MICALL1: variants seen among roughly 807,000 people sequenced by gnomAD.
MICALL1 encodes the protein MICAL-like protein 1.
MICALL1 carries 61 observed loss-of-function variants against 83.7 expected under a neutral mutation model. The ratio of observed to expected loss-of-function variants is 0.73; its 90% confidence interval spans 0.59 to 0.90. The LOEUF (loss-of-function observed/expected upper bound fraction) is 0.90. Ranked by LOEUF, MICALL1 falls within the 40% of genes least tolerant of loss-of-function variation. The pLI, the probability that MICALL1 is intolerant of heterozygous loss-of-function variation, is 0.00. For synonymous variants in MICALL1, 481 were observed against 473.6 expected (o/e 1.02, Z -0.20); for missense variants, 1,066 against 1,152.0 (o/e 0.93, Z 1.08).
intron 13 of MICALL1, among the ~76,000 whole-genome samples, chr22:37,935,182 T>C (rs1930038425): frequency 6.6e-6 from 1 of 151,844 alleles, no homozygotes. Flanking sequence ...TCCACCCGCC[T>C]CCGCCTCCCA....
Position 37,906,695 on chromosome 22 carries a change from C to T in MICALL1, c.146+127C>T, listed in dbSNP as rs1028419864. 1.2e-5 allele frequency: 10 copies of T among 869,554 alleles called. No individual in the cohort carries two copies. In the African/African-American group the frequency reaches 1.8e-4, roughly 16 times the overall value. The allele number at this position is 869,554 out of a possible 1,614,324, so 53.9% of individuals were successfully genotyped here. ...CCCCCGGACACGGAGACGCCGACCC[C>T]CCCGACGGCCCCGGACGCCGGGCGG... On this transcript the variant is annotated intron_variant, in intron 1 of 15. Coordinates refer to ENST00000215957, the MANE Select transcript of MICALL1 (RefSeq NM_033386.4). This position sits in a 1 kb window ranked among gnomAD's most constrained non-coding sequence, Gnocchi z 4.4.
At chr22:37,922,647 T>C (rs1047431919) in intron 6 of MICALL1, among the ~76,000 whole-genome samples, 4 of 133,214 alleles carry the variant, frequency 3.0e-5, no homozygotes, top group Middle Eastern at 7.4e-3. Flanking sequence ...TTTGCTCTTG[T>C]CCCCCAGGCT....
Position 37,922,010 on chromosome 22 carries a change from A to C in MICALL1, c.608A>C (p.Tyr203Ser). Residue 203 changes from tyrosine (Y) to serine (S), a missense_variant, in exon 6 of 16, where the codon TAT becomes TCT. By Grantham distance (144) the Tyr-to-Ser change is moderately radical (BLOSUM62 -2). Coordinates refer to ENST00000215957, the MANE Select transcript of MICALL1 (RefSeq NM_033386.4). ...TCCAGCACCCTGCTCCCTGGGGCTT[A>C]TGAGAATGGGCCTGAGGAGGGCACC... ...RCSSTLLPGA[Y>S]ENGPEEGTFV... The C allele has an allele frequency of 6.2e-7, 1 of 1,603,734 alleles. No homozygotes were observed. Among genetic ancestry groups the C allele is most frequent in the African/African-American group, 1.3e-5 (1 of 74,868 alleles).
rs745493300 is a variant in MICALL1, at chr22:37,925,958, G to C, written c.1380G>C (p.Leu460=). The C allele has an allele frequency of 3.2e-5, 52 of 1,613,736 alleles. No individual in the cohort carries two copies. Among genetic ancestry groups the C allele is most frequent in the Middle Eastern group, 1.6e-4 (1 of 6,074 alleles). The change falls in exon 8 of 16, where the codon CTG becomes CTC. Residue 460 remains leucine, a synonymous_variant. Coordinates refer to ENST00000215957, the MANE Select transcript of MICALL1 (RefSeq NM_033386.4). ...ACCCGGAGTCCACACCCAAGTCCCT[G>C]CACCCCTGGTACGGCATCACCCCTA... is the stretch of plus-strand genomic sequence containing the variant. The part of the protein sequence containing the change: ...LGHPESTPKS[L]HPWYGITPTS...
At position 37,930,482 on chromosome 22, in the gene MICALL1, C is replaced by T. The variant is rs1311078670; in HGVS notation, c.1882-1317C>T. Among the ~76,000 whole-genome samples the T allele has an allele frequency of 2.0e-5, 3 of 152,250 alleles. No individual in the cohort carries two copies. The highest frequency in any genetic ancestry group is 7.2e-5 in the African/African-American group (3 of 41,480). On this transcript the variant is annotated intron_variant, in intron 9 of 15. Coordinates refer to ENST00000215957, the MANE Select transcript of MICALL1 (RefSeq NM_033386.4). The surrounding 1 kb of genome is among the most constrained non-coding windows in gnomAD (Gnocchi z 4.8). ...GAGAGCCTCTCTCCCTGGGCTGGCA[C>T]AGGCCTCCACCTGCTCCGCAGCTGC...
chr22:37,932,485 C>G lies in MICALL1; in HGVS notation c.2017-68C>G, dbSNP rs1929842803. On this transcript the variant is annotated intron_variant, in intron 10 of 15. Transcript: ENST00000215957. This position sits in a 1 kb window ranked among gnomAD's most constrained non-coding sequence, Gnocchi z 4.4. ...GGAGCCACCAGTGGCCAATGCTGGC[C>G]AGAGAAGAGGGCAAGGCTCCTGGCA... 3 of 1,593,454 alleles carry G rather than the reference C, an allele frequency of 1.9e-6. No homozygotes were observed. The East Asian group carries it at 6.7e-5, about 36-fold the overall frequency.
intron 15 of MICALL1, among the ~76,000 whole-genome samples, chr22:37,938,351 G>C (rs1158729667): frequency 6.8e-6 from 1 of 146,266 alleles, no homozygotes; most frequent in Non-Finnish European, 1.5e-5. Flanking sequence ...GCAGTGAGCC[G>C]AGATCACGCC....
intron 5 of MICALL1, among the ~76,000 whole-genome samples, chr22:37,921,027 G>A (rs1233350714): frequency 1.3e-5 from 2 of 152,098 alleles, no homozygotes; most frequent in Non-Finnish European, 2.9e-5. Flanking sequence ...GTTTGAGGCT[G>A]CAGTGAGTTA....
intron 5 of MICALL1, among the ~76,000 whole-genome samples, chr22:37,919,653 A>AAAAAG (rs1928901545): frequency 6.7e-6 from 1 of 150,216 alleles, no homozygotes; most frequent in Non-Finnish European, 1.5e-5. Context: ...AAAAAAAAAA[A>AAAAAG]AAGGCCATTG....
intron 3 of MICALL1, among the ~76,000 whole-genome samples, 156 bp from the exon 4 acceptor site, chr22:37,917,551 G>A (rs557303413): frequency 1.3e-4 from 20 of 152,128 alleles, no homozygotes; most frequent in Admixed American, 7.2e-4. Context: ...AAGCGTCCCC[G>A]GGCCCGTGTG....
intron 5 of MICALL1, 36 bp from the exon 6 acceptor site, chr22:37,921,936 C>T (rs769346353): frequency 1.3e-5 from 20 of 1,511,732 alleles, no homozygotes; most frequent in Non-Finnish European, 1.7e-5. Flanking sequence ...GGCCCAGCTG[C>T]CTGGCTAAGT....
chr22:37,936,232 C>T (rs1222207080), intron 13 of MICALL1, among the ~76,000 whole-genome samples: 5 of 152,172 alleles, frequency 3.3e-5, no homozygotes, highest in African/African-American at 7.2e-5. Flanking sequence ...TGCCCAGCTT[C>T]AGGGGAGCCT....
Position 37,931,944 on chromosome 22 carries a change from G to A in MICALL1, c.2016+11G>A. Reference sequence around the variant, plus strand: ...CTCATCAAACGCAAGGTACCAGCTGGGAGCCCCCCGAGACCAGGCTGGCCT... The same window carrying A: ...CTCATCAAACGCAAGGTACCAGCTGAGAGCCCCCCGAGACCAGGCTGGCCT... On this transcript the variant is annotated intron_variant, in intron 10 of 15. Transcript: ENST00000215957. 4.3e-6 allele frequency: 7 copies of A among 1,613,008 alleles called. No individual in the cohort carries two copies. The highest frequency in any genetic ancestry group is 5.9e-6 in the Non-Finnish European group (7 of 1,179,636).
At chr22:37,907,234 G>A (rs893276438) in intron 1 of MICALL1, 1 of 152,346 alleles carries the variant, frequency 6.6e-6, no homozygotes, top group Non-Finnish European at 1.5e-5. Flanking sequence ...ACGCAGGTGG[G>A]GCGCGCAAGA....
At chr22:37,934,737 C>T (rs1416691357) in intron 13 of MICALL1, among the ~76,000 whole-genome samples, 1 of 150,454 alleles carries the variant, frequency 6.6e-6, no homozygotes, top group Non-Finnish European at 1.5e-5. Context: ...ACTGGGACTA[C>T]AGGCGCCTGC....
At position 37,932,953 on chromosome 22, in the gene MICALL1, C is replaced by T. The variant is rs1929881824; in HGVS notation, c.2234+65C>T. Reference sequence around the variant, plus strand: ...TAGAGCTTAGAATGGAGAACCCTTACCCTCTTCCCTCATCAGTAACAGCGC... The same window carrying T: ...TAGAGCTTAGAATGGAGAACCCTTATCCTCTTCCCTCATCAGTAACAGCGC... On this transcript the variant is annotated intron_variant, in intron 12 of 15. Coordinates refer to ENST00000215957, the MANE Select transcript of MICALL1 (RefSeq NM_033386.4). This position sits in a 1 kb window ranked among gnomAD's most constrained non-coding sequence, Gnocchi z 4.4. 3 of 1,611,808 alleles carry T rather than the reference C, an allele frequency of 1.9e-6. No homozygotes were observed. Among genetic ancestry groups the T allele is most frequent in the African/African-American group, 1.3e-5 (1 of 74,988 alleles).
chr22:37,930,751 G>A lies in MICALL1; in HGVS notation c.1882-1048G>A, dbSNP rs1929744982. On this transcript the variant is annotated intron_variant, in intron 9 of 15. Transcript: ENST00000215957. The surrounding 1 kb of genome is among the most constrained non-coding windows in gnomAD (Gnocchi z 4.8). ...GAAGGATGCAGAGCCTGGGCTCTGG[G>A]TGTGTGGGTACTGGGCTGTGCAGCA... is the stretch of plus-strand genomic sequence containing the variant. 6.6e-6 allele frequency among the ~76,000 whole-genome samples: 1 copy of A among 152,228 alleles called. No homozygotes were observed. Among genetic ancestry groups the A allele is most frequent in the Non-Finnish European group, 1.5e-5 (1 of 68,030 alleles).
intron 15 of MICALL1, among the ~76,000 whole-genome samples, chr22:37,938,108 G>A (rs954813060): frequency 2.6e-5 from 4 of 152,088 alleles, no homozygotes; most frequent in East Asian, 1.9e-4. Context: ...ATCTGCAGCT[G>A]GTTTTGTTGG....
Position 37,925,798 on chromosome 22 carries a change from C to A in MICALL1, c.1220C>A (p.Thr407Asn), listed in dbSNP as rs979692241. The change falls in exon 8 of 16, where the codon ACC becomes AAC. Residue 407 changes from threonine (T) to asparagine (N), a missense_variant. Coordinates refer to ENST00000215957, the MANE Select transcript of MICALL1 (RefSeq NM_033386.4). Reference sequence around the variant, plus strand: ...AGCAGGCAGGTGGAGAATGGAGGCACCGAGGAGGTGGCCCAGCCGAGCCCA... The same window carrying A: ...AGCAGGCAGGTGGAGAATGGAGGCAACGAGGAGGTGGCCCAGCCGAGCCCA... ...QDSRQVENGG[T>N]EEVAQPSPTA... is the part of the protein sequence containing the mutation. The A allele has an allele frequency of 1.2e-6, 2 of 1,613,490 alleles. No individual in the cohort carries two copies. Among genetic ancestry groups the A allele is most frequent in the African/African-American group, 2.7e-5 (2 of 74,890 alleles).
Sources: gnomAD v4.1 joint callset for allele counts (sites outside exome capture counted in the v4.1 genomes callset) on GRCh38, gnomAD v4.1.1 for gene constraint, Gnocchi (gnomAD v3.1) non-coding constraint, MANE v1.5 for transcripts, NCBI Gene and HGNC (gene_info 2026-07-23, HGNC 2026-07-21) for gene names.